AACS: variants seen among roughly 807,000 people sequenced by gnomAD.
The protein encoded by AACS is acetoacetate-CoA ligase.
A neutral mutation model predicts 83.1 loss-of-function variants in AACS; 69 were observed. The ratio of observed to expected loss-of-function variants is 0.83; its 90% CI spans 0.68 to 1.01. The LOEUF (loss-of-function observed/expected upper bound fraction) is 1.01. Ranked by LOEUF, AACS falls within the 50% of genes least tolerant of loss-of-function variation. The probability of loss-of-function intolerance (pLI) is 0.00; values close to 1 mark genes in which losing one functional copy is unlikely to be tolerated. For missense variants in AACS, 866 were observed against 882.2 expected, an observed-to-expected ratio of 0.98 and a Z score of 0.23; for synonymous variants, 333 against 343.4, an observed-to-expected ratio of 0.97 and a Z score of 0.33.
At chr12:125,090,013 A>G (rs1440815055) in intron 4 of AACS, among the ~76,000 whole-genome samples, 1 of 145,564 alleles carries the variant, frequency 6.9e-6, no homozygotes, top group Admixed American at 6.9e-5. Flanking sequence ...CTATCCATCC[A>G]TCCATCTGTC....
At chr12:125,100,085 A>G (rs1415502818) in intron 5 of AACS, among the ~76,000 whole-genome samples, 1 of 152,186 alleles carries the variant, frequency 6.6e-6, no homozygotes. Context: ...CTGCGAACAC[A>G]GTTCACTGCA....
intron 3 of AACS, among the ~76,000 whole-genome samples, chr12:125,084,598 A>G (rs1011268309): frequency 6.7e-6 from 1 of 149,474 alleles, no homozygotes; most frequent in Non-Finnish European, 1.5e-5. Context: ...TTTTTTTCCA[A>G]GACAGAGTCT....
intron 2 of AACS, among the ~76,000 whole-genome samples, chr12:125,075,343 C>T (rs1955996638): frequency 1.3e-5 from 2 of 150,662 alleles, no homozygotes; most frequent in African/African-American, 4.9e-5. Flanking sequence ...TTTTGTCACC[C>T]AGGCTGGAGT....
At chr12:125,136,893 C>T (rs1466088564) in intron 17 of AACS, 29 bp downstream of exon 17, 2 of 1,606,286 alleles carry the variant, frequency 1.2e-6, no homozygotes, top group South Asian at 2.2e-5. Flanking sequence ...AGCGAGGAGA[C>T]CGCAGCCATC....
rs966669998 is a variant in AACS at position 125,065,449 on chromosome 12, C to T, written c.-136C>T. ...GGCGGCCGTTCAGTCCCTTGTTCCCCGCCGCCGCCGTCGCTGACCCAGCCC... is the reference window on the plus strand; with the variant it reads ...GGCGGCCGTTCAGTCCCTTGTTCCCTGCCGCCGCCGTCGCTGACCCAGCCC... On this transcript the variant is annotated 5_prime_UTR_variant, in exon 1 of 18. Coordinates refer to ENST00000316519, the MANE Select transcript of AACS (RefSeq NM_023928.5). 4.1e-6 allele frequency: 4 copies of T among 982,812 alleles called. No homozygotes were observed. Among genetic ancestry groups the T allele is most frequent in the African/African-American group, 1.7e-5 (1 of 57,684 alleles). The allele number at this position is 982,812 out of a possible 1,614,324, so 60.9% of individuals were successfully genotyped here. A position where few individuals can be genotyped will look rare whatever the true frequency, so the allele number is the denominator to read the frequency against.
chr12:125,108,809 A>T lies in AACS; in HGVS notation c.915+1541A>T, dbSNP rs369295591. 6.0e-5 allele frequency among the ~76,000 whole-genome samples: 9 copies of T among 149,280 alleles called. No individual in the cohort carries two copies. The East Asian group carries it at 1.4e-3, about 23-fold the overall frequency. Reference sequence around the variant, plus strand: ...CAGTCTCCCATGTAGCTGGGATTATAGGCGTGTGCCGCTATGCCCTACTCG... The same window carrying T: ...CAGTCTCCCATGTAGCTGGGATTATTGGCGTGTGCCGCTATGCCCTACTCG... On this transcript the variant is annotated intron_variant, in intron 8 of 17. Coordinates refer to ENST00000316519, the MANE Select transcript of AACS (RefSeq NM_023928.5).
In AACS at chr12:125,142,333, G is replaced by A. The variant is rs1957513707; in HGVS notation, c.*104G>A. On this transcript the variant is annotated 3_prime_UTR_variant, in exon 18 of 18. Transcript: ENST00000316519. ...CTACAGCTGTTGTAAAAGGATGCTC[G>A]CACCAAGTGTTCTGTAGGCTTGGGG... 9 of 1,477,972 alleles carry A rather than the reference G, an allele frequency of 6.1e-6. No homozygotes were observed. Among genetic ancestry groups the A allele is most frequent in the Admixed American group, 2.1e-5 (1 of 46,814 alleles). 91.6% of individuals were successfully genotyped at this position (1,477,972 alleles called of 1,614,324 possible). A position where few individuals can be genotyped will look rare whatever the true frequency, so the allele number is the denominator to read the frequency against.
At chr12:125,119,264 CG>C (rs1957112615) in intron 10 of AACS, among the ~76,000 whole-genome samples, 1 of 152,104 alleles carries the variant, frequency 6.6e-6, no homozygotes, top group African/African-American at 2.4e-5. Flanking sequence ...TTGCATAGTA[CG>C]GCGTTGTCAG....
intron 7 of AACS, among the ~76,000 whole-genome samples, chr12:125,103,987 C>CAAAAAAAAAAAAAAAAAAAAA (rs71092274): frequency 1.2e-4 from 5 of 41,226 alleles, no homozygotes; most frequent in Admixed American, 4.7e-4. Context: ...AACTCCGTCT[C>CAAAAAAAAAAAAAAAAAAAAA]AAAAAAAAAA....
intron 14 of AACS, among the ~76,000 whole-genome samples, chr12:125,133,020 C>T (rs1817469866): frequency 6.6e-6 from 1 of 152,240 alleles, no homozygotes; most frequent in African/African-American, 2.4e-5. Context: ...ACTGTTTTCC[C>T]TTCCCGGATC....
At chr12:125,079,850 A>G (rs1327606883) in intron 3 of AACS, among the ~76,000 whole-genome samples, 1 of 152,122 alleles carries the variant, frequency 6.6e-6, no homozygotes, top group Non-Finnish European at 1.5e-5. Flanking sequence ...ACCAATTAGC[A>G]GTCACTCTCT....
intron 10 of AACS, chr12:125,124,490 G>A (rs757024760): frequency 5.8e-5 from 34 of 586,420 alleles, no homozygotes; most frequent in Middle Eastern, 4.6e-4. Flanking sequence ...CTGGCCCTGC[G>A]TGCTGAAATC....
At chr12:125,119,087 G>A (rs1018159941) in intron 10 of AACS, among the ~76,000 whole-genome samples, 1 of 152,172 alleles carries the variant, frequency 6.6e-6, no homozygotes, top group African/African-American at 2.4e-5. Flanking sequence ...AGTAAAAATG[G>A]TATGTATCGT....
At chr12:125,077,466 C>T (rs1349797719) in intron 3 of AACS, among the ~76,000 whole-genome samples, 10 of 148,604 alleles carry the variant, frequency 6.7e-5, no homozygotes, top group Non-Finnish European at 1.2e-4. Flanking sequence ...GCTGAGATTG[C>T]GCCACTGCAC....
chr12:125,112,124 T>C (rs906437181), intron 8 of AACS, among the ~76,000 whole-genome samples: 1 of 152,184 alleles, frequency 6.6e-6, no homozygotes, highest in African/African-American at 2.4e-5. Context: ...CGTGGAAAGA[T>C]TTAGTTCATG....
chr12:125,082,675 G>A (rs1956222004), intron 3 of AACS, among the ~76,000 whole-genome samples: 1 of 152,134 alleles, frequency 6.6e-6, no homozygotes, highest in African/African-American at 2.4e-5. Flanking sequence ...ACAAAAATTA[G>A]CTTGGTGTGG....
intron 8 of AACS, among the ~76,000 whole-genome samples, chr12:125,111,643 G>A (rs1292771370): frequency 1.3e-5 from 2 of 152,160 alleles, no homozygotes; most frequent in Non-Finnish European, 2.9e-5. Flanking sequence ...AGGGCTGCTC[G>A]TAATCTTCCC....
At chr12:125,095,614 T>C (rs1295453688) in intron 5 of AACS, among the ~76,000 whole-genome samples, 1 of 151,618 alleles carries the variant, frequency 6.6e-6, no homozygotes, top group Non-Finnish European at 1.5e-5. Context: ...GATCTCTATG[T>C]CCTCTGTTCA....
At chr12:125,093,042 A>C (rs1956523694) in intron 5 of AACS, among the ~76,000 whole-genome samples, 1 of 152,204 alleles carries the variant, frequency 6.6e-6, no homozygotes, top group Non-Finnish European at 1.5e-5. Flanking sequence ...GTGTTAGTGC[A>C]ACTGCACAGA....
Sources: gnomAD v4.1 joint callset for allele counts (sites outside exome capture counted in the v4.1 genomes callset) on GRCh38, gnomAD v4.1.1 for gene constraint, MANE v1.5 for transcripts, NCBI Gene and HGNC (gene_info 2026-07-23, HGNC 2026-07-21) for gene names.